Variants in SRBD1 observed in about 807,000 individuals in gnomAD.
The protein encoded by SRBD1 is S1 RNA-binding domain-containing protein 1.
SRBD1 carries 88 observed loss-of-function variants against 115.3 expected under a neutral mutation model. The observed-to-expected ratio is 0.76, with a 90% CI of 0.64 to 0.91. SRBD1 has a LOEUF of 0.91. Ranked by LOEUF, SRBD1 falls within the 40% of genes least tolerant of loss-of-function variation. SRBD1 has a pLI of 0.00. For synonymous variants in SRBD1, 509 were observed against 407.7 expected (o/e 1.25, Z -2.99); for missense variants, 1,385 against 1,177.4 (o/e 1.18, Z -2.58).
chr2:45,599,559 C>G lies in SRBD1; in HGVS notation c.538G>C (p.Ala180Pro), dbSNP rs150297990. The change falls in exon 4 of 21, where the codon GCT becomes CCT. Residue 180 changes from alanine to proline, a missense_variant. Coordinates refer to ENST00000263736, the MANE Select transcript of SRBD1 (RefSeq NM_018079.5). ...NDDDFTFGQS[A>P]LKKIKTETYP... is the part of the protein sequence containing the mutation. ...GTCTCAGTCTTGATTTTCTTTAAAG[C>G]GGACTGACCAAATGTAAAGTCATCG... The G allele has an allele frequency of 1.2e-6, 2 of 1,614,168 alleles. No homozygotes were observed. Among genetic ancestry groups the G allele is most frequent in the Non-Finnish European group, 1.7e-6 (2 of 1,180,024 alleles).
At chr2:45,451,489 T>C (rs1159785927) in intron 16 of SRBD1, among the ~76,000 whole-genome samples, 1 of 152,054 alleles carries the variant, frequency 6.6e-6, no homozygotes, top group South Asian at 2.1e-4. Context: ...TATGACATAC[T>C]ATCAGAGATT....
At chr2:45,523,686 A>T (rs1671356075) in intron 14 of SRBD1, among the ~76,000 whole-genome samples, 1 of 150,756 alleles carries the variant, frequency 6.6e-6, no homozygotes, top group South Asian at 2.1e-4. Context: ...AAGGATACTG[A>T]ATTTGTAATT....
chr2:45,394,897 G>C (rs1450173075), intron 19 of SRBD1, among the ~76,000 whole-genome samples: 1 of 152,186 alleles, frequency 6.6e-6, no homozygotes, highest in African/African-American at 2.4e-5. Flanking sequence ...ATCCAAACTG[G>C]TGTCCAGTGA....
chr2:45,414,543 A>G (rs1393638413), intron 18 of SRBD1, among the ~76,000 whole-genome samples: 87 of 109,610 alleles, frequency 7.9e-4, no homozygotes, highest in African/African-American at 3.2e-3. Flanking sequence ...GTGTACACAC[A>G]TAGTGTCTGT....
chr2:45,484,465 C>T (rs1010403411), intron 15 of SRBD1, among the ~76,000 whole-genome samples: 1 of 152,186 alleles, frequency 6.6e-6, no homozygotes, highest in East Asian at 1.9e-4. Flanking sequence ...TGCCCTCTAT[C>T]GTAGAAACCT....
intron 1 of SRBD1, among the ~76,000 whole-genome samples, chr2:45,606,537 G>A (rs1674280618): frequency 6.6e-6 from 1 of 152,112 alleles, no homozygotes. Flanking sequence ...CTGATTGACT[G>A]AGTAAGCAGC....
chr2:45,473,603 G>GT (rs1044749459), intron 16 of SRBD1, among the ~76,000 whole-genome samples: 5 of 152,116 alleles, frequency 3.3e-5, no homozygotes, highest in South Asian at 2.1e-4. Context: ...AGTTCAAAAT[G>GT]TTTTTTCCCA....
intron 4 of SRBD1, among the ~76,000 whole-genome samples, chr2:45,596,413 T>G (rs1479154748): frequency 6.6e-6 from 1 of 152,226 alleles, no homozygotes; most frequent in Non-Finnish European, 1.5e-5. Flanking sequence ...GGTTAACGGA[T>G]TGCAGAACAA....
chr2:45,592,309 G>C (rs1340135059), intron 4 of SRBD1, among the ~76,000 whole-genome samples: 4 of 151,986 alleles, frequency 2.6e-5, no homozygotes, highest in African/African-American at 9.7e-5. Flanking sequence ...GCCTCAGATG[G>C]GCTATGTACA....
chr2:45,609,880 A>G lies in SRBD1; in HGVS notation c.-1+1339T>C, dbSNP rs549107073. 2.0e-5 allele frequency among the ~76,000 whole-genome samples: 3 copies of G among 152,352 alleles called. No individual in the cohort carries two copies. In the East Asian group the frequency reaches 5.8e-4, roughly 29 times the overall value. On this transcript the variant is annotated intron_variant, in intron 1 of 20. Coordinates refer to ENST00000263736, the MANE Select transcript of SRBD1 (RefSeq NM_018079.5). ...TGCTGTCAAGAGAGTAAATACCATG[A>G]AAGAAGGAAATGCATGTGCCTTATT...
At chr2:45,435,573 C>CAAAAAAAAAAAAAAAAAAAAAAAAA (rs11358109) in intron 16 of SRBD1, among the ~76,000 whole-genome samples, 1 of 142,556 alleles carries the variant, frequency 7.0e-6, no homozygotes. Context: ...AAAAAAAAAA[C>CAAAAAAAAAAAAAAAAAAAAAAAAA]AAAAAAAAAA....
intron 12 of SRBD1, among the ~76,000 whole-genome samples, chr2:45,549,720 A>G (rs2104046436): frequency 7.8e-6 from 1 of 129,026 alleles, no homozygotes; most frequent in Admixed American, 7.8e-5. Flanking sequence ...AAAAAAAGGC[A>G]GGCATGGTGG....
intron 14 of SRBD1, among the ~76,000 whole-genome samples, chr2:45,538,506 T>C (rs1014205395): frequency 1.3e-5 from 2 of 152,232 alleles, no homozygotes; most frequent in African/African-American, 4.8e-5. Context: ...TGACATTTAA[T>C]TGAACTTATC....
intron 6 of SRBD1, among the ~76,000 whole-genome samples, chr2:45,580,511 ATTTTTTTT>A (rs1227093467): frequency 1.4e-4 from 12 of 85,804 alleles, no homozygotes; most frequent in African/African-American, 4.5e-4. Flanking sequence ...ACGTCCAGCT[ATTTTTTTT>A]TTTTTTTTTT....
intron 3 of SRBD1, among the ~76,000 whole-genome samples, 158 bp downstream of exon 3, chr2:45,601,745 A>C (rs1674097774): frequency 1.3e-5 from 2 of 152,264 alleles, no homozygotes; most frequent in Non-Finnish European, 2.9e-5. Context: ...AGACAAAGAA[A>C]CACAGTACAG....
chr2:45,527,649 T>G (rs1363968165), intron 14 of SRBD1, among the ~76,000 whole-genome samples: 3 of 151,924 alleles, frequency 2.0e-5, no homozygotes. Context: ...TATTTTTCAA[T>G]GTACTATTCA....
At chr2:45,550,994 C>A in intron 12 of SRBD1, 131 bp downstream of exon 12, 1 of 1,002,628 alleles carries the variant, frequency 1.0e-6, no homozygotes, top group Non-Finnish European at 1.4e-6. Context: ...GTTCCCAACA[C>A]CCCTGTATGT....
chr2:45,540,296 G>A (rs1671892780), intron 14 of SRBD1, among the ~76,000 whole-genome samples: 2 of 151,182 alleles, frequency 1.3e-5, no homozygotes. Context: ...AGCTGAGATT[G>A]TGCTGCTGCA....
intron 14 of SRBD1, among the ~76,000 whole-genome samples, chr2:45,496,618 T>G (rs1164082244): frequency 1.3e-5 from 2 of 152,192 alleles, no homozygotes; most frequent in African/African-American, 4.8e-5. Flanking sequence ...TATGCTTCTA[T>G]ACTGTACTGT....
Sources: gnomAD v4.1 joint callset for allele counts (sites outside exome capture counted in the v4.1 genomes callset) on GRCh38, gnomAD v4.1.1 for gene constraint, MANE v1.5 for transcripts, NCBI Gene and HGNC (gene_info 2026-07-23, HGNC 2026-07-21) for gene names.